The following PTPN9 variants were observed in gnomAD, a reference collection of about 807,000 sequenced individuals.
The protein encoded by PTPN9 is protein tyrosine phosphatase non-receptor type 9.
A neutral mutation model predicts 69.8 loss-of-function variants in PTPN9; 26 were observed. That is an observed-to-expected ratio of 0.37 (90% CI 0.27 to 0.52). The LOEUF is 0.52. PTPN9 is among the 20% of genes least tolerant of loss of function. The probability of loss-of-function intolerance (pLI) is 0.91; values close to 1 mark genes in which losing one functional copy is unlikely to be tolerated. For missense variants in PTPN9, 549 were observed against 740.3 expected (o/e 0.74, Z 3.00); for synonymous variants, 274 against 272.5 (o/e 1.01, Z -0.05).
chr15:75,508,357 C>T (rs1301141073), intron 6 of PTPN9, among the ~76,000 whole-genome samples: 1 of 152,082 alleles, frequency 6.6e-6, no homozygotes, highest in East Asian at 1.9e-4. Context: ...AGCCATTACA[C>T]TTGGCCCAGA....
chr15:75,514,465 G>T (rs2074859824), intron 5 of PTPN9, among the ~76,000 whole-genome samples: 1 of 152,062 alleles, frequency 6.6e-6, no homozygotes, highest in Admixed American at 6.6e-5. Flanking sequence ...TGTAATTCTA[G>T]CTACTTGGGA....
intron 1 of PTPN9, among the ~76,000 whole-genome samples, chr15:75,556,026 A>AC (rs1220945711): frequency 9.3e-6 from 1 of 107,802 alleles, no homozygotes; most frequent in Non-Finnish European, 1.8e-5. Flanking sequence ...ACAAAGCGAG[A>AC]CCCCCGTCTC....
At chr15:75,569,873 G>C (rs1428087205) in intron 1 of PTPN9, among the ~76,000 whole-genome samples, 1 of 151,724 alleles carries the variant, frequency 6.6e-6, no homozygotes, top group Non-Finnish European at 1.5e-5. Context: ...CCAGGCTGGA[G>C]GGCAGTGGCG....
At chr15:75,470,534 AG>A in intron 11 of PTPN9, 145 bp downstream of exon 11, 1 of 955,842 alleles carries the variant, frequency 1.0e-6, no homozygotes. Context: ...ATTGGCTGTG[AG>A]TTAAATATCC....
chr15:75,502,697 T>C (rs2074780462), intron 7 of PTPN9, among the ~76,000 whole-genome samples: 1 of 152,128 alleles, frequency 6.6e-6, no homozygotes, highest in African/African-American at 2.4e-5. Flanking sequence ...ATTTTAAGTG[T>C]ACCACATACC....
At chr15:75,500,242 A>G (rs1013657644) in intron 7 of PTPN9, among the ~76,000 whole-genome samples, 2 of 151,414 alleles carry the variant, frequency 1.3e-5, no homozygotes, top group African/African-American at 4.9e-5. Context: ...GAGCCGGGAG[A>G]TGGAGGTTGC....
intron 9 of PTPN9, among the ~76,000 whole-genome samples, chr15:75,475,079 A>C (rs973157275): frequency 2.1e-4 from 32 of 152,138 alleles, no homozygotes; most frequent in African/African-American, 7.5e-4. Context: ...ATACAGGTTG[A>C]CCATTTAATT....
intron 8 of PTPN9, chr15:75,487,785 C>G (rs965268238): frequency 2.6e-5 from 4 of 152,150 alleles, no homozygotes; most frequent in African/African-American, 4.8e-5. Context: ...GTGCTTGAAA[C>G]AACAGGGACA....
chr15:75,490,101 C>T, intron 8 of PTPN9, 107 bp downstream of exon 8: 1 of 928,210 alleles, frequency 1.1e-6, no homozygotes, highest in African/African-American at 1.6e-5. Context: ...CCTAATCTCT[C>T]TGGCCTCGGA....
chr15:75,505,116 T>C (rs199725085), intron 7 of PTPN9, among the ~76,000 whole-genome samples: 3 of 151,996 alleles, frequency 2.0e-5, no homozygotes, highest in African/African-American at 4.8e-5. Flanking sequence ...TGTACTAAGA[T>C]AAATTCTTCT....
intron 7 of PTPN9, among the ~76,000 whole-genome samples, chr15:75,497,802 C>CAA (rs879944894): frequency 1.9e-4 from 14 of 72,220 alleles, no homozygotes; most frequent in African/African-American, 5.5e-4. Context: ...AACTCTGTCT[C>CAA]AAAAAAAAAA....
chr15:75,572,690 G>C (rs1296580413), intron 1 of PTPN9, among the ~76,000 whole-genome samples: 2 of 151,992 alleles, frequency 1.3e-5, no homozygotes, highest in Non-Finnish European at 1.5e-5. Context: ...CTGGGCGACA[G>C]AGCGAGACTC....
At chr15:75,577,021 T>C (rs1158074868) in intron 1 of PTPN9, among the ~76,000 whole-genome samples, 1 of 152,174 alleles carries the variant, frequency 6.6e-6, no homozygotes, top group East Asian at 1.9e-4. Flanking sequence ...ACACAATCTC[T>C]TGACTTTAAT....
intron 8 of PTPN9, among the ~76,000 whole-genome samples, chr15:75,482,075 A>T (rs2074639918): frequency 1.3e-5 from 2 of 150,430 alleles, no homozygotes; most frequent in African/African-American, 2.5e-5. Flanking sequence ...GTGTAGAAAG[A>T]AGTAGACATG....
chr15:75,516,814 G>A (rs1280970565), intron 5 of PTPN9, among the ~76,000 whole-genome samples: 12 of 143,152 alleles, frequency 8.4e-5, no homozygotes, highest in Admixed American at 5.3e-4. Context: ...GCACAATCCC[G>A]GCTCACTGCA....
At chr15:75,515,515 C>G (rs1026629130) in intron 5 of PTPN9, among the ~76,000 whole-genome samples, 37 of 151,958 alleles carry the variant, frequency 2.4e-4, no homozygotes, top group Non-Finnish European at 4.4e-4. Context: ...CACCTATAAT[C>G]CCAACACTTT....
intron 1 of PTPN9, 121 bp downstream of exon 1, chr15:75,578,593 G>A (rs2075184487): frequency 1.2e-6 from 1 of 830,170 alleles, no homozygotes; most frequent in East Asian, 3.8e-5. Flanking sequence ...CCCGCGAGCC[G>A]GGCACGGGAG....
intron 5 of PTPN9, among the ~76,000 whole-genome samples, chr15:75,515,883 G>A (rs986179849): frequency 1.3e-5 from 2 of 151,656 alleles, no homozygotes; most frequent in Non-Finnish European, 2.9e-5. Context: ...GGCGACAAGA[G>A]CAAGACTCCA....
rs1395306909 is a variant in PTPN9, at chr15:75,515,277, A to C, written c.528+1982T>G. Among the ~76,000 whole-genome samples, 4 of 151,608 alleles carry C rather than the reference A, an allele frequency of 2.6e-5. No homozygotes were observed. The East Asian group carries it at 7.8e-4, about 30-fold the overall frequency. On this transcript the variant is annotated intron_variant, in intron 5 of 12. Coordinates refer to ENST00000618819, the MANE Select transcript of PTPN9 (RefSeq NM_002833.4). ...CCCGTCTCTACTTAAAATACAAAAA[A>C]ATTAGCCGGGCGTGGTGGTGGGCGC...
Sources: allele counts gnomAD v4.1 joint callset (sites outside exome capture counted in the v4.1 genomes callset), GRCh38; gene constraint gnomAD v4.1.1; transcripts MANE v1.5; gene names NCBI Gene and HGNC (gene_info 2026-07-23, HGNC 2026-07-21).